Variants in SYNE1 observed in about 807,000 individuals in gnomAD.
SYNE1 encodes nesprin-1.
A neutral mutation model predicts 1,111.0 loss-of-function variants in SYNE1; 616 were observed. The observed-to-expected ratio is 0.55, with a 90% CI of 0.52 to 0.59. The LOEUF (loss-of-function observed/expected upper bound fraction) is 0.59, where lower values mean the gene tolerates loss of function less well. Ranked by LOEUF, SYNE1 falls within the 20% of genes least tolerant of loss-of-function variation. The pLI is 0.00. For synonymous variants in SYNE1, 3,855 were observed against 3,825.8 expected (o/e 1.01, Z -0.28); for missense variants, 10,006 against 10,417.0 (o/e 0.96, Z 1.72).
chr6:152,587,289 A>G (rs1362967838), intron 3 of SYNE1, among the ~76,000 whole-genome samples: 1 of 152,190 alleles, frequency 6.6e-6, no homozygotes, highest in East Asian at 1.9e-4. Flanking sequence ...GAAAAATAAA[A>G]ACATCCTTCC....
intron 3 of SYNE1, among the ~76,000 whole-genome samples, chr6:152,604,492 TA>T (rs1268762844): frequency 2.6e-5 from 4 of 152,000 alleles, no homozygotes; most frequent in Admixed American, 1.3e-4. Context: ...TTTGTAGCGA[TA>T]AGGTTTTGCC....
chr6:152,319,682 A>C (rs2095823852), intron 84 of SYNE1, among the ~76,000 whole-genome samples: 1 of 150,424 alleles, frequency 6.6e-6, no homozygotes, highest in Non-Finnish European at 1.5e-5. Flanking sequence ...ATGTAGTTAA[A>C]GGTCTTTAAA....
intron 41 of SYNE1, among the ~76,000 whole-genome samples, chr6:152,414,694 T>G (rs1280270193): frequency 6.6e-6 from 1 of 152,146 alleles, no homozygotes; most frequent in Non-Finnish European, 1.5e-5. Context: ...GAGTGCAGTG[T>G]TGTGGGTACT....
At position 152,493,365 on chromosome 6, in the gene SYNE1, T is replaced by C. The variant is rs565109448; in HGVS notation, c.940-4862A>G. Among the ~76,000 whole-genome samples the C allele has an allele frequency of 3.9e-5, 6 of 152,236 alleles. No individual in the cohort carries two copies. The East Asian group carries it at 1.2e-3, about 29-fold the overall frequency. The stretch of plus-strand genomic sequence containing the variant: ...TTCTGTTCTGGATTTCAAAGATGCT[T>C]TCTTTGCTATTCCTTTACACCCTTC... On this transcript the variant is annotated intron_variant, in intron 11 of 145. Transcript: ENST00000367255.
intron 3 of SYNE1, among the ~76,000 whole-genome samples, chr6:152,589,930 CTTT>C (rs35508645): frequency 3.8e-4 from 51 of 133,976 alleles, no homozygotes; most frequent in Admixed American, 5.3e-4. Flanking sequence ...CTAAACATTT[CTTT>C]TTTTTTTTTT....
intron 14 of SYNE1, among the ~76,000 whole-genome samples, chr6:152,475,477 G>A (rs1025947578): frequency 7.9e-5 from 12 of 152,090 alleles, no homozygotes; most frequent in South Asian, 2.1e-4. Flanking sequence ...CATATCTCAT[G>A]TCATTGCTGA....
intron 87 of SYNE1, among the ~76,000 whole-genome samples, chr6:152,314,418 C>T (rs988341773): frequency 2.6e-5 from 4 of 152,210 alleles, no homozygotes; most frequent in African/African-American, 9.6e-5. Context: ...CTCAGCCCAT[C>T]ATCACCTTTT....
chr6:152,338,621 GAAAC>G (rs1044640384), intron 75 of SYNE1, among the ~76,000 whole-genome samples: 1 of 152,060 alleles, frequency 6.6e-6, no homozygotes, highest in East Asian at 1.9e-4. Flanking sequence ...TCAAAATAAA[GAAAC>G]AAACAAACAA....
intron 3 of SYNE1, among the ~76,000 whole-genome samples, chr6:152,576,476 C>T (rs954338827): frequency 1.3e-5 from 2 of 152,174 alleles, no homozygotes; most frequent in Admixed American, 6.5e-5. Flanking sequence ...TCTAAACCTA[C>T]TCCTTTTGCC....
In SYNE1 at chr6:152,140,038, C is replaced by T. The variant is rs778663139; in HGVS notation, c.25370G>A (p.Gly8457Glu). The change falls in exon 140 of 146, where the codon GGG becomes GAG. Residue 8457 changes from glycine (G) to glutamate (E), a missense_variant. Coordinates refer to ENST00000367255, the MANE Select transcript of SYNE1 (RefSeq NM_182961.4). ...CTGTTCCAACTCCTCCTCCGTGTCC[C>T]CCAGCCAGGCCCAGATGCTGTTCAA... Reference protein sequence around the residue: ...SDLNSIWAWLGDTEEELEQLQ... With the variant: ...SDLNSIWAWLEDTEEELEQLQ... The T allele has an allele frequency of 3.7e-6, 6 of 1,614,040 alleles. No individual in the cohort carries two copies. In the African/African-American group the frequency reaches 4.0e-5, roughly 11 times the overall value.
chr6:152,627,327 A>G (rs965374910), intron 3 of SYNE1, among the ~76,000 whole-genome samples: 1 of 152,194 alleles, frequency 6.6e-6, no homozygotes, highest in Non-Finnish European at 1.5e-5. Flanking sequence ...ATGAGTTTCT[A>G]TAGTATTTCC....
At chr6:152,145,193 G>A (rs1042337126) in intron 137 of SYNE1, 40 of 429,346 alleles carry the variant, frequency 9.3e-5, no homozygotes, top group Non-Finnish European at 1.1e-4. Context: ...AGAGGCTGAT[G>A]ACTGGGTTTT....
chr6:152,475,105 C>A (rs9478332), intron 14 of SYNE1, among the ~76,000 whole-genome samples: 29,090 of 151,920 alleles, frequency 0.19, 3,274 homozygotes, highest in East Asian at 0.43. Context: ...AAAGATACAC[C>A]TAATCATTAA....
At chr6:152,125,456 A>G in intron 145 of SYNE1, 1 of 1,372,822 alleles carries the variant, frequency 7.3e-7, no homozygotes, top group Non-Finnish European at 9.7e-7. Flanking sequence ...CAAGTAAATT[A>G]GTCTCTCTGG....
chr6:152,333,869 C>A (rs1378821507), intron 77 of SYNE1, 139 bp downstream of exon 77: 14 of 1,177,082 alleles, frequency 1.2e-5, no homozygotes, highest in South Asian at 2.5e-5. Context: ...CTGACCTCAA[C>A]TAATCCACCC....
At chr6:152,132,584 A>G (rs1257439589) in intron 143 of SYNE1, among the ~76,000 whole-genome samples, 3 of 152,242 alleles carry the variant, frequency 2.0e-5, no homozygotes, top group African/African-American at 7.2e-5. Flanking sequence ...AGAAGTCAAT[A>G]CATTCCAGTT....
intron 3 of SYNE1, among the ~76,000 whole-genome samples, chr6:152,580,941 A>G (rs1347971373): frequency 2.0e-5 from 3 of 152,214 alleles, no homozygotes; most frequent in Non-Finnish European, 4.4e-5. Flanking sequence ...CAGGAAGAGT[A>G]TTTGGCATTC....
At chr6:152,353,205 A>AT in intron 69 of SYNE1, 58 bp downstream of exon 69, 1 of 1,597,016 alleles carries the variant, frequency 6.3e-7, no homozygotes, top group Non-Finnish European at 8.6e-7. Flanking sequence ...TATGCAGGAG[A>AT]ATGGGGCAGC....
At chr6:152,398,796 G>T in intron 48 of SYNE1, 65 bp from the exon 49 acceptor site, 9 of 1,246,798 alleles carry the variant, frequency 7.2e-6, no homozygotes, top group Non-Finnish European at 1.0e-5. Context: ...ACATTGAATG[G>T]GCTCCCAGGA....
Sources: gnomAD v4.1 joint callset for allele counts (sites outside exome capture counted in the v4.1 genomes callset) on GRCh38, gnomAD v4.1.1 for gene constraint, MANE v1.5 for transcripts, NCBI Gene and HGNC (gene_info 2026-07-23, HGNC 2026-07-21) for gene names.